Variants in RIMS2 observed in about 807,000 individuals in gnomAD.
RIMS2 encodes the protein regulating synaptic membrane exocytosis 2, also known as regulating synaptic membrane exocytosis protein 2.
Under a neutral mutation model 174.4 loss-of-function variants are expected in RIMS2, and 59 were observed. The ratio of observed to expected loss-of-function variants is 0.34; its 90% confidence interval spans 0.27 to 0.42. The LOEUF (loss-of-function observed/expected upper bound fraction) is 0.42. Among genes scored for constraint, RIMS2 ranks in the 10% least tolerant of loss-of-function variants. RIMS2 has a pLI of 1.00. For missense variants in RIMS2, 1,620 were observed against 1,666.3 expected (o/e 0.97, Z 0.48); for synonymous variants, 606 against 572.5 (o/e 1.06, Z -0.84).
chr8:103,980,940 G>A (rs894094411), intron 16 of RIMS2, among the ~76,000 whole-genome samples: 1 of 152,130 alleles, frequency 6.6e-6, no homozygotes, highest in Admixed American at 6.5e-5. Context: ...TTTCTAAGGT[G>A]TTTGACCCCA....
chr8:103,741,696 T>G (rs1336392450), intron 2 of RIMS2, among the ~76,000 whole-genome samples: 1 of 152,090 alleles, frequency 6.6e-6, no homozygotes, highest in Non-Finnish European at 1.5e-5. Context: ...CATTTTAGCG[T>G]CCCTGCCGAT....
chr8:103,569,049 T>G (rs2092604831), intron 1 of RIMS2: 3 of 392,994 alleles, frequency 7.6e-6, no homozygotes, highest in Non-Finnish European at 1.4e-5. Flanking sequence ...GATGTCCAAT[T>G]TATCTTTTTT....
At chr8:103,678,426 C>T (rs1393295540) in intron 1 of RIMS2, among the ~76,000 whole-genome samples, 1 of 152,048 alleles carries the variant, frequency 6.6e-6, no homozygotes, top group African/African-American at 2.4e-5. Flanking sequence ...ACAAAAGGTG[C>T]AACTGTAGTA....
intron 2 of RIMS2, among the ~76,000 whole-genome samples, chr8:103,746,251 A>G (rs76875152): frequency 0.014 from 2,076 of 152,250 alleles, 49 homozygotes; most frequent in African/African-American, 0.044. Flanking sequence ...TCAGTTGACC[A>G]TAGATGTATG....
intron 14 of RIMS2, among the ~76,000 whole-genome samples, chr8:103,959,921 C>T (rs2089299155): frequency 6.6e-6 from 1 of 152,064 alleles, no homozygotes; most frequent in Admixed American, 6.6e-5. Flanking sequence ...AAAATTGACA[C>T]CCTAACATCA....
intron 1 of RIMS2, among the ~76,000 whole-genome samples, chr8:103,599,500 G>A (rs1175046962): frequency 6.6e-6 from 1 of 151,246 alleles, no homozygotes; most frequent in African/African-American, 2.4e-5. Context: ...ATGCAGGGGT[G>A]TGATCTCTGC....
At chr8:104,117,390 CT>C (rs879749283) in intron 19 of RIMS2, among the ~76,000 whole-genome samples, 307 of 142,410 alleles carry the variant, frequency 2.2e-3, no homozygotes, top group Admixed American at 2.2e-3. Flanking sequence ...AATAAATTTC[CT>C]TTTTTTTTTT....
chr8:103,818,649 G>A (rs950452959), intron 3 of RIMS2, among the ~76,000 whole-genome samples: 1 of 152,128 alleles, frequency 6.6e-6, no homozygotes, highest in African/African-American at 2.4e-5. Context: ...GTGTTTAGGT[G>A]AATTTTAATT....
chr8:103,550,511 C>G (rs1847257665), intron 1 of RIMS2, among the ~76,000 whole-genome samples: 1 of 152,092 alleles, frequency 6.6e-6, no homozygotes, highest in Non-Finnish European at 1.5e-5. Context: ...CAGGAAAGAT[C>G]TAAAATTGAC....
chr8:103,954,469 C>G (rs1477851008), intron 14 of RIMS2, among the ~76,000 whole-genome samples: 1 of 152,224 alleles, frequency 6.6e-6, no homozygotes, highest in East Asian at 1.9e-4. Flanking sequence ...CACACAACTA[C>G]ATGGAAACTG....
intron 19 of RIMS2, among the ~76,000 whole-genome samples, chr8:104,159,113 T>A (rs946219562): frequency 6.6e-6 from 1 of 152,220 alleles, no homozygotes; most frequent in Non-Finnish European, 1.5e-5. Flanking sequence ...TTTCTACATA[T>A]GGCTAGCCAG....
intron 15 of RIMS2, among the ~76,000 whole-genome samples, chr8:103,972,779 C>G (rs1697626650): frequency 6.6e-6 from 1 of 152,148 alleles, no homozygotes; most frequent in African/African-American, 2.4e-5. Context: ...GTTACCTAGT[C>G]TAACCACCCT....
intron 3 of RIMS2, among the ~76,000 whole-genome samples, chr8:103,807,003 T>C (rs1353812401): frequency 6.6e-6 from 1 of 152,098 alleles, no homozygotes; most frequent in African/African-American, 2.4e-5. Context: ...GGATTCCAAA[T>C]TGACAGATGG....
At position 103,608,555 on chromosome 8, in the gene RIMS2, C is replaced by G. The variant is rs1462659900; in HGVS notation, c.177-88531C>G. ...CTTCCCGCTGCTTTGTTTACCTAAG[C>G]AAGCCTGGGCAATGGTGGGCGCCCC... On this transcript the variant is annotated intron_variant, in intron 1 of 23. Transcript: ENST00000504942. Among the ~76,000 whole-genome samples the G allele has an allele frequency of 4.8e-5, 7 of 145,364 alleles. 1 individual carries two copies. Among genetic ancestry groups the G allele is most frequent in the Non-Finnish European group, 1.1e-4 (7 of 65,838 alleles).
intron 1 of RIMS2, among the ~76,000 whole-genome samples, chr8:103,677,465 C>T (rs2096829381): frequency 6.6e-6 from 1 of 152,180 alleles, no homozygotes; most frequent in South Asian, 2.1e-4. Flanking sequence ...CTTCTGAACC[C>T]AGTTCAGATA....
In RIMS2 at chr8:104,193,930, G is replaced by A. The variant is rs75038631; in HGVS notation, c.3335-50986G>A. ...AATCTTGCTAGCTGTCATCTGGAAGGTTTTTATTGTTGTTTTTCATTTGGA... is the reference window on the plus strand; with the variant it reads ...AATCTTGCTAGCTGTCATCTGGAAGATTTTTATTGTTGTTTTTCATTTGGA... On this transcript the variant is annotated intron_variant, in intron 19 of 23. Coordinates refer to ENST00000504942, the Ensembl canonical transcript of RIMS2. Among the ~76,000 whole-genome samples, 1,274 of 152,178 alleles carry A rather than the reference G, an allele frequency of 8.4e-3. 16 individuals are homozygous for A. The highest frequency in any genetic ancestry group is 0.03 in the African/African-American group (1,232 of 41,512).
At chr8:104,136,876 A>C (rs1448484074) in intron 19 of RIMS2, among the ~76,000 whole-genome samples, 3 of 152,126 alleles carry the variant, frequency 2.0e-5, no homozygotes, top group Non-Finnish European at 4.4e-5. Flanking sequence ...GTAATGAGAT[A>C]ATCTGTGCAA....
chr8:104,214,873 C>T (rs570441013), intron 19 of RIMS2, among the ~76,000 whole-genome samples: 83 of 152,326 alleles, frequency 5.4e-4, no homozygotes, highest in African/African-American at 1.9e-3. Context: ...AATAGAACTA[C>T]GTTCAAGCAA....
intron 3 of RIMS2, among the ~76,000 whole-genome samples, chr8:103,857,591 A>G (rs2099034826): frequency 6.7e-6 from 1 of 148,912 alleles, no homozygotes; most frequent in Non-Finnish European, 1.5e-5. Flanking sequence ...GTTTAATCTC[A>G]AAGTAGTTGT....
Sources: gnomAD v4.1 joint callset for allele counts (sites outside exome capture counted in the v4.1 genomes callset) on GRCh38, gnomAD v4.1.1 for gene constraint, MANE v1.5 for transcripts, NCBI Gene and HGNC (gene_info 2026-07-23, HGNC 2026-07-21) for gene names.